Variants in NLGN4X observed in about 807,000 individuals in gnomAD.
NLGN4X encodes neuroligin 4 X-linked.
NLGN4X carries 3 observed loss-of-function variants against 40.3 expected under a neutral mutation model. That is an observed-to-expected ratio of 0.07 (90% CI 0.03 to 0.19). The LOEUF is 0.19. Ranked by LOEUF, NLGN4X falls within the 10% of genes least tolerant of loss-of-function variation. The pLI is 1.00. For missense variants in NLGN4X, 382 were observed against 708.3 expected (o/e 0.54, Z 5.23); for synonymous variants, 270 against 306.8 (o/e 0.88, Z 1.25).
At chrX:6,029,659 G>A (rs915529789) in intron 2 of NLGN4X, among the ~76,000 whole-genome samples, 1 of 102,842 alleles carries the variant, frequency 9.7e-6, no homozygotes, top group Non-Finnish European at 2.0e-5. Flanking sequence ...CAGACATTTA[G>A]CGTACTCTGC....
intron 1 of NLGN4X, among the ~76,000 whole-genome samples, chrX:6,202,778 A>C (rs1923739803): frequency 8.9e-6 from 1 of 112,211 alleles, no homozygotes; most frequent in African/African-American, 3.2e-5. Flanking sequence ...AATAGTAAAC[A>C]TCTCTGTCAG....
In NLGN4X at chrX:6,073,005, T is replaced by C. The variant is rs774341576; in HGVS notation, c.473-43573A>G. 2.7e-5 allele frequency among the ~76,000 whole-genome samples: 3 copies of C among 112,680 alleles called. No homozygotes were observed. In the East Asian group the frequency reaches 8.4e-4, roughly 32 times the overall value. ...TCTGCATTAGTAAACAAGGACTTCATGTTCTTCTGAAATTATGCCTCAATC... is the reference window on the plus strand; with the variant it reads ...TCTGCATTAGTAAACAAGGACTTCACGTTCTTCTGAAATTATGCCTCAATC... On this transcript the variant is annotated intron_variant, in intron 2 of 5. Transcript: ENST00000381095.
chrX:5,948,474 C>T (rs1047159532), intron 3 of NLGN4X, among the ~76,000 whole-genome samples: 4 of 111,930 alleles, frequency 3.6e-5, no homozygotes, highest in African/African-American at 1.3e-4. Flanking sequence ...CTTTGAGATG[C>T]CATCTTTCTA....
chrX:6,023,507 G>C (rs1242397155), intron 3 of NLGN4X, among the ~76,000 whole-genome samples: 1 of 112,069 alleles, frequency 8.9e-6, no homozygotes. Context: ...GATGAGTTCT[G>C]AGTGGTAAGT....
At chrX:5,908,789 G>T (rs1359647718) in intron 4 of NLGN4X, among the ~76,000 whole-genome samples, 1 of 111,785 alleles carries the variant, frequency 8.9e-6, no homozygotes, top group East Asian at 2.8e-4. Context: ...GTATTCAGGA[G>T]ACTGAGATGG....
intron 1 of NLGN4X, among the ~76,000 whole-genome samples, chrX:6,154,805 A>G: frequency 8.9e-6 from 1 of 111,834 alleles, no homozygotes; most frequent in Non-Finnish European, 1.9e-5. Context: ...TGGCATTTTG[A>G]CTAATTTATA....
intron 2 of NLGN4X, among the ~76,000 whole-genome samples, chrX:6,082,977 T>TTTTTTTTTTTTTTG (rs1569227473): frequency 1.2e-5 from 1 of 85,675 alleles, no homozygotes; most frequent in African/African-American, 4.5e-5. Context: ...TTTTTTTTTT[T>TTTTTTTTTTTTTTG]GAGACGGAGT....
chrX:6,052,726 G>A (rs766249802), intron 2 of NLGN4X, among the ~76,000 whole-genome samples: 3 of 112,201 alleles, frequency 2.7e-5, no homozygotes, highest in East Asian at 2.8e-4. Context: ...CCCCTATTGG[G>A]ATTAAAGAAT....
chrX:6,129,624 C>T (rs193099979), intron 2 of NLGN4X, among the ~76,000 whole-genome samples: 22 of 111,235 alleles, frequency 2.0e-4, no homozygotes, highest in Middle Eastern at 4.7e-3. Context: ...ATTTTTGAAA[C>T]GTTTCTCCTT....
At chrX:6,031,787 T>TAA (rs36065341) in intron 2 of NLGN4X, among the ~76,000 whole-genome samples, 23,020 of 98,793 alleles carry the variant, frequency 0.23, 2,226 homozygotes, top group Admixed American at 0.29. Context: ...TTCTCCTCTT[T>TAA]AAAAAAAAAA....
chrX:5,942,447 T>C (rs1044393452), intron 3 of NLGN4X, among the ~76,000 whole-genome samples: 16 of 110,607 alleles, frequency 1.4e-4, no homozygotes, highest in Admixed American at 1.4e-3. Context: ...TCCCAGCACT[T>C]TGGGAGGCTG....
intron 1 of NLGN4X, among the ~76,000 whole-genome samples, chrX:6,190,061 C>T (rs991586885): frequency 4.6e-5 from 5 of 108,209 alleles, no homozygotes; most frequent in African/African-American, 1.0e-4. Context: ...AATCATTTTT[C>T]CAAGTATGAT....
At chrX:5,911,336 T>C (rs770248496) in intron 3 of NLGN4X, among the ~76,000 whole-genome samples, 6 of 112,190 alleles carry the variant, frequency 5.3e-5, no homozygotes, top group South Asian at 3.7e-4. Context: ...CAGGAAATCA[T>C]TGGCCTTTCT....
chrX:5,942,149 G>A (rs868041786), intron 3 of NLGN4X, among the ~76,000 whole-genome samples: 4 of 110,531 alleles, frequency 3.6e-5, no homozygotes, highest in Non-Finnish European at 7.6e-5. Flanking sequence ...CCAGCTACTC[G>A]GGAGGCTGAG....
chrX:6,042,613 T>C (rs1215063287), intron 2 of NLGN4X, among the ~76,000 whole-genome samples: 2 of 96,339 alleles, frequency 2.1e-5, no homozygotes, highest in Non-Finnish European at 4.1e-5. Context: ...GTTGAGAACA[T>C]AATTGACTTT....
At position 5,903,172 on chromosome X, in the gene NLGN4X, G is replaced by A; in HGVS notation, c.1506C>T (p.Ile502=). 2.5e-6 allele frequency: 3 copies of A among 1,211,911 alleles called. No homozygotes were observed. The highest frequency in any genetic ancestry group is 3.3e-6 in the Non-Finnish European group (3 of 895,535). ...EVPYVFGIPM[I]GPTELFSCNF... ...TACAACTGAAGAGCTCGGTGGGACC[G>A]ATCATGGGGATGCCGAAGACATAGG... Residue 502 remains isoleucine, a synonymous_variant, in exon 5 of 6, where the codon ATC becomes ATT. Transcript: ENST00000381095.
At chrX:6,219,360 TTC>T (rs1925403579) in intron 1 of NLGN4X, among the ~76,000 whole-genome samples, 1 of 93,834 alleles carries the variant, frequency 1.1e-5, no homozygotes, top group Non-Finnish European at 2.1e-5. Context: ...CCTTCCTTCC[TTC>T]TTTTTCTCTT....
chrX:5,890,605 A>G lies in NLGN4X; in HGVS notation c.*2212T>C. On this transcript the variant is annotated 3_prime_UTR_variant, in exon 6 of 6. Coordinates refer to ENST00000381095, the MANE Select transcript of NLGN4X (RefSeq NM_181332.3). ...ACAGAGAGCCTATTTGTGGTTGCTC[A>G]GGTGGGGTCATACATTGCTTGCAGA... The G allele has an allele frequency of 3.0e-6, 1 of 328,332 alleles. No individual in the cohort carries two copies. Among genetic ancestry groups the G allele is most frequent in the East Asian group, 9.7e-5 (1 of 10,271 alleles). 27.1% of individuals were successfully genotyped at this position (328,332 alleles called of 1,213,427 possible).
intron 4 of NLGN4X, among the ~76,000 whole-genome samples, chrX:5,907,907 G>A (rs745676877): frequency 9.4e-6 from 1 of 106,416 alleles, no homozygotes; most frequent in East Asian, 3.0e-4. Flanking sequence ...GAAACAAAGA[G>A]AGAGAGGGAC....
Sources: gnomAD v4.1 joint callset for allele counts (sites outside exome capture counted in the v4.1 genomes callset) on GRCh38, gnomAD v4.1.1 for gene constraint, MANE v1.5 for transcripts, NCBI Gene and HGNC (gene_info 2026-07-23, HGNC 2026-07-21) for gene names.